Variants in RABGAP1L observed in about 807,000 individuals in gnomAD.
RABGAP1L encodes the protein RAB GTPase activating protein 1 like.
Under a neutral mutation model 137.7 loss-of-function variants are expected in RABGAP1L, and 63 were observed. The observed-to-expected ratio is 0.46, with a 90% CI of 0.37 to 0.56. The LOEUF (loss-of-function observed/expected upper bound fraction) is 0.56. Ranked by LOEUF, RABGAP1L falls within the 20% of genes least tolerant of loss-of-function variation. The probability of loss-of-function intolerance (pLI) is 0.00; values close to 1 mark genes in which losing one functional copy is unlikely to be tolerated. For missense variants in RABGAP1L, 1,095 were observed against 1,244.0 expected (o/e 0.88, Z 1.80); for synonymous variants, 431 against 433.7 (o/e 0.99, Z 0.08).
intron 10 of RABGAP1L, among the ~76,000 whole-genome samples, chr1:174,300,033 T>G (rs1295545942): frequency 6.6e-6 from 1 of 152,206 alleles, no homozygotes; most frequent in Non-Finnish European, 1.5e-5. Flanking sequence ...TAACATTGAT[T>G]ATGGTTGACA....
chr1:174,686,648 C>CTTTTTTTTTTTTTTTTTTTTTTTTTTT (rs533716511), intron 15 of RABGAP1L, among the ~76,000 whole-genome samples: 2 of 105,770 alleles, frequency 1.9e-5, no homozygotes, highest in Non-Finnish European at 2.1e-5. Flanking sequence ...ACAAAGCAAT[C>CTTTTTTTTTTTTTTTTTTTTTTTTTTT]TTTTTTTTTT....
intron 19 of RABGAP1L, among the ~76,000 whole-genome samples, chr1:174,941,633 G>A (rs1374326321): frequency 6.6e-6 from 1 of 152,076 alleles, no homozygotes; most frequent in Non-Finnish European, 1.5e-5. Context: ...GGCCATGCCT[G>A]TCTTCAGTCT....
intron 10 of RABGAP1L, among the ~76,000 whole-genome samples, chr1:174,291,838 C>T (rs1381678579): frequency 6.6e-6 from 1 of 151,402 alleles, no homozygotes; most frequent in African/African-American, 2.4e-5. Flanking sequence ...TTTAATCAGT[C>T]TAGGTAGAAG....
chr1:174,322,448 C>T (rs74128342), intron 11 of RABGAP1L, among the ~76,000 whole-genome samples: 5,275 of 152,144 alleles, frequency 0.035, 120 homozygotes, highest in Middle Eastern at 0.088. Flanking sequence ...TCTCCAAAAG[C>T]GCTCACTCAT....
At chr1:174,551,698 C>A (rs562143165) in intron 13 of RABGAP1L, among the ~76,000 whole-genome samples, 1 of 151,246 alleles carries the variant, frequency 6.6e-6, no homozygotes, top group African/African-American at 2.4e-5. Flanking sequence ...AAACAGAAAT[C>A]GAAGAAATTG....
intron 14 of RABGAP1L, among the ~76,000 whole-genome samples, chr1:174,682,459 TAAA>T (rs71743862): frequency 7.1e-6 from 1 of 140,496 alleles, no homozygotes; most frequent in Admixed American, 7.1e-5. Flanking sequence ...AAAAGTTGTT[TAAA>T]AAAAAAAAAA....
intron 13 of RABGAP1L, among the ~76,000 whole-genome samples, chr1:174,544,290 AT>A (rs1428544320): frequency 6.6e-6 from 1 of 151,552 alleles, no homozygotes; most frequent in Non-Finnish European, 1.5e-5. Flanking sequence ...GGCTTTGTTC[AT>A]TTCTTTTTAC....
chr1:174,306,824 G>A (rs1678308042), intron 11 of RABGAP1L, among the ~76,000 whole-genome samples: 1 of 151,952 alleles, frequency 6.6e-6, no homozygotes, highest in South Asian at 2.1e-4. Context: ...ACAAACTAGA[G>A]CTAAATGACA....
At chr1:174,740,899 C>G (rs1291663559) in intron 17 of RABGAP1L, among the ~76,000 whole-genome samples, 3 of 151,878 alleles carry the variant, frequency 2.0e-5, no homozygotes, top group African/African-American at 7.3e-5. Flanking sequence ...ATACTTTGCC[C>G]AAGTATGAAT....
chr1:174,194,235 CTTT>C (rs59046200), intron 1 of RABGAP1L, among the ~76,000 whole-genome samples: 8 of 136,932 alleles, frequency 5.8e-5, no homozygotes, highest in Non-Finnish European at 4.8e-5. Context: ...TCAGTTAATT[CTTT>C]TTTTTTTTTT....
intron 13 of RABGAP1L, among the ~76,000 whole-genome samples, chr1:174,471,197 C>T (rs999748186): frequency 6.6e-6 from 1 of 151,978 alleles, no homozygotes; most frequent in African/African-American, 2.4e-5. Flanking sequence ...TATTACTTAC[C>T]CATCTTCTTA....
At chr1:174,587,003 G>C (rs1188411823) in intron 13 of RABGAP1L, among the ~76,000 whole-genome samples, 2 of 151,736 alleles carry the variant, frequency 1.3e-5, no homozygotes, top group African/African-American at 2.4e-5. Context: ...GCGGTGTTTG[G>C]TTTTTTGTTC....
intron 10 of RABGAP1L, among the ~76,000 whole-genome samples, chr1:174,285,301 G>A (rs966563919): frequency 6.6e-6 from 1 of 152,184 alleles, no homozygotes; most frequent in Non-Finnish European, 1.5e-5. Context: ...ACCGGCATGA[G>A]CCACCATGCC....
intron 13 of RABGAP1L, among the ~76,000 whole-genome samples, chr1:174,428,367 A>G (rs1652208960): frequency 6.6e-6 from 1 of 152,092 alleles, no homozygotes; most frequent in Non-Finnish European, 1.5e-5. Context: ...GGAGGGCATA[A>G]CAGTTAAGAC....
At chr1:174,369,604 A>G (rs1479467610) in intron 11 of RABGAP1L, among the ~76,000 whole-genome samples, 2 of 152,206 alleles carry the variant, frequency 1.3e-5, no homozygotes, top group African/African-American at 4.8e-5. Context: ...TTGTAACACT[A>G]AAGCTTTAGT....
intron 7 of RABGAP1L, among the ~76,000 whole-genome samples, chr1:174,263,249 A>T (rs996478511): frequency 6.6e-6 from 1 of 152,176 alleles, no homozygotes; most frequent in Non-Finnish European, 1.5e-5. Context: ...CAGTCCAACA[A>T]ACTTCTTTGC....
intron 18 of RABGAP1L, among the ~76,000 whole-genome samples, chr1:174,806,589 C>A (rs1689321871): frequency 6.6e-6 from 1 of 152,176 alleles, no homozygotes; most frequent in Non-Finnish European, 1.5e-5. Flanking sequence ...GACTGGATGA[C>A]AGAGCAAGAC....
intron 9 of RABGAP1L, among the ~76,000 whole-genome samples, chr1:174,277,804 C>A (rs1675125950): frequency 6.6e-6 from 1 of 152,036 alleles, no homozygotes. Context: ...TCTCTAAGGT[C>A]CTCCAGGTCA....
intron 14 of RABGAP1L, among the ~76,000 whole-genome samples, chr1:174,657,185 T>G (rs1676029659): frequency 6.6e-6 from 1 of 152,228 alleles, no homozygotes; most frequent in Non-Finnish European, 1.5e-5. Context: ...TTTTGATACA[T>G]ACAATGTAAA....
Sources: allele counts gnomAD v4.1 joint callset (sites outside exome capture counted in the v4.1 genomes callset), GRCh38; gene constraint gnomAD v4.1.1; transcripts MANE v1.5; gene names NCBI Gene and HGNC (gene_info 2026-07-23, HGNC 2026-07-21).